The following MYT1L variants were observed in gnomAD, a reference collection of about 807,000 sequenced individuals.
MYT1L encodes myelin transcription factor 1 like.
MYT1L carries 12 observed loss-of-function variants against 126.7 expected under a neutral mutation model. The ratio of observed to expected loss-of-function variants is 0.09; its 90% CI spans 0.06 to 0.15. MYT1L has a LOEUF of 0.15. MYT1L is among the 10% of genes least tolerant of loss of function. The pLI is 1.00. For synonymous variants in MYT1L, 541 were observed against 604.2 expected (o/e 0.90, Z 1.53); for missense variants, 979 against 1,585.2 (o/e 0.62, Z 6.49).
chr2:2,100,814 G>T (rs766942386), intron 3 of MYT1L, among the ~76,000 whole-genome samples: 2 of 152,160 alleles, frequency 1.3e-5, no homozygotes, highest in Non-Finnish European at 2.9e-5. Context: ...TGGCAGGGGT[G>T]CATATATAAC....
chr2:1,860,563 A>G (rs2148612168), intron 18 of MYT1L, among the ~76,000 whole-genome samples: 1 of 152,360 alleles, frequency 6.6e-6, no homozygotes, highest in East Asian at 1.9e-4. Context: ...AAGGCAGCTA[A>G]TGCCATTTAC....
intron 3 of MYT1L, among the ~76,000 whole-genome samples, chr2:2,101,148 T>C (rs183321741): frequency 5.9e-5 from 9 of 152,340 alleles, no homozygotes; most frequent in East Asian, 1.9e-4. Flanking sequence ...TTATATGTTA[T>C]ATACATATTT....
At chr2:2,148,781 T>C (rs1244299269) in intron 3 of MYT1L, among the ~76,000 whole-genome samples, 1 of 152,186 alleles carries the variant, frequency 6.6e-6, no homozygotes, top group Non-Finnish European at 1.5e-5. Context: ...TTAACACTTT[T>C]AGTAAGTTAG....
intron 4 of MYT1L, among the ~76,000 whole-genome samples, chr2:2,019,739 T>G (rs1322256676): frequency 2.0e-5 from 3 of 152,224 alleles, no homozygotes; most frequent in African/African-American, 7.2e-5. Context: ...TTAGTCCTAC[T>G]ACATATGGAA....
chr2:2,201,902 T>C (rs1199490538), intron 2 of MYT1L, among the ~76,000 whole-genome samples: 1 of 152,168 alleles, frequency 6.6e-6, no homozygotes, highest in African/African-American at 2.4e-5. Context: ...CAGACTTTTA[T>C]TGGGAGCTAA....
intron 23 of MYT1L, among the ~76,000 whole-genome samples, chr2:1,797,932 T>C (rs74169679): frequency 0.036 from 499 of 13,822 alleles, 13 homozygotes; most frequent in Admixed American, 0.084. Flanking sequence ...GTCTCCCCCT[T>C]CTCCGGCACA....
chr2:1,970,419 T>C (rs2059722542), intron 8 of MYT1L, among the ~76,000 whole-genome samples: 1 of 152,210 alleles, frequency 6.6e-6, no homozygotes. Flanking sequence ...ACTCTCATAC[T>C]TTCAGCCCCA....
chr2:2,304,667 C>T (rs1304044239), intron 1 of MYT1L, among the ~76,000 whole-genome samples: 1 of 152,142 alleles, frequency 6.6e-6, no homozygotes, highest in Non-Finnish European at 1.5e-5. Context: ...CAACTCAAGC[C>T]CAGTCATAGG....
intron 2 of MYT1L, among the ~76,000 whole-genome samples, chr2:2,221,181 A>C (rs2093856231): frequency 6.6e-6 from 1 of 152,152 alleles, no homozygotes. Context: ...GTACAGAGTT[A>C]CTTTGGAACG....
At chr2:1,961,668 G>A (rs1348207563) in intron 8 of MYT1L, among the ~76,000 whole-genome samples, 1 of 152,218 alleles carries the variant, frequency 6.6e-6, no homozygotes, top group Non-Finnish European at 1.5e-5. Flanking sequence ...AGGCCTAAAT[G>A]TCTATGATTT....
chr2:2,178,025 T>G (rs1467512207), intron 2 of MYT1L, among the ~76,000 whole-genome samples: 1 of 152,152 alleles, frequency 6.6e-6, no homozygotes, highest in Non-Finnish European at 1.5e-5. Context: ...CTGCAAATAC[T>G]TCTAATTGTT....
chr2:1,979,529 C>G lies in MYT1L; in HGVS notation c.81G>C (p.Glu27Asp), dbSNP rs1332195750. Reference sequence around the variant, plus strand: ...ACCCACATGGCACTAACCTGAACAGCTCTTGTATGGCTGGTTCCACGGGAA... The same window carrying G: ...ACCCACATGGCACTAACCTGAACAGGTCTTGTATGGCTGGTTCCACGGGAA... The part of the protein sequence containing the change: ...VRVPVEPAIQ[E>D]LFSCPTPGCD... The change falls in exon 7 of 25, where the codon GAG (glutamate) becomes GAC (aspartate). Residue 27 changes from glutamate to aspartate, a missense_variant. Glu to Asp is a conservative substitution (Grantham distance 45). Transcript: ENST00000647738. This position sits in a 1 kb window ranked among gnomAD's most constrained non-coding sequence, Gnocchi z 4.0. 1 of 1,613,756 alleles carries G rather than the reference C, an allele frequency of 6.2e-7. No individual in the cohort carries two copies. The highest frequency in any genetic ancestry group is 1.3e-5 in the African/African-American group (1 of 75,016).
intron 3 of MYT1L, among the ~76,000 whole-genome samples, chr2:2,094,510 T>G (rs892945378): frequency 1.3e-5 from 2 of 152,138 alleles, no homozygotes; most frequent in African/African-American, 4.8e-5. Context: ...TAGCAAAGAC[T>G]TGGAACCAAC....
chr2:2,298,503 A>G (rs2095732826), intron 1 of MYT1L, among the ~76,000 whole-genome samples: 1 of 152,232 alleles, frequency 6.6e-6, no homozygotes, highest in African/African-American at 2.4e-5. Flanking sequence ...AACAGCACAA[A>G]CTTTTATACA....
intron 3 of MYT1L, among the ~76,000 whole-genome samples, chr2:2,069,318 C>T (rs1165535082): frequency 1.3e-5 from 2 of 152,022 alleles, no homozygotes; most frequent in African/African-American, 2.4e-5. Flanking sequence ...TGAGAACATG[C>T]GGTGTTTGGT....
intron 1 of MYT1L, among the ~76,000 whole-genome samples, chr2:2,311,755 G>A (rs182665185): frequency 2.6e-5 from 4 of 152,218 alleles, no homozygotes; most frequent in Admixed American, 1.3e-4. Flanking sequence ...TCCCACCCAC[G>A]CCAGGCCCTC....
intron 2 of MYT1L, among the ~76,000 whole-genome samples, chr2:2,203,456 T>C (rs1357808900): frequency 2.0e-5 from 3 of 151,024 alleles, no homozygotes; most frequent in African/African-American, 7.4e-5. Context: ...CAAGCATTCC[T>C]CTACATCAAT....
chr2:1,953,136 T>A (rs1294917347), intron 8 of MYT1L, among the ~76,000 whole-genome samples: 1 of 152,064 alleles, frequency 6.6e-6, no homozygotes, highest in African/African-American at 2.4e-5. Context: ...CTAATTTTTG[T>A]ATTTTTTGTA....
chr2:1,821,962 G>A lies in MYT1L; in HGVS notation c.3081-12795C>T, dbSNP rs577238565. 3.9e-5 allele frequency among the ~76,000 whole-genome samples: 6 copies of A among 152,336 alleles called. No individual in the cohort carries two copies. In the East Asian group the frequency reaches 7.7e-4, roughly 20 times the overall value. Reference sequence around the variant, plus strand: ...GAAGGAGGCCTGTGGCAGGGCATCCGGGAGTCGAACCCCTCTTAGACAATT... The same window carrying A: ...GAAGGAGGCCTGTGGCAGGGCATCCAGGAGTCGAACCCCTCTTAGACAATT... On this transcript the variant is annotated intron_variant, in intron 21 of 24. Coordinates refer to ENST00000647738, the MANE Select transcript of MYT1L (RefSeq NM_001303052.2).
Sources: gnomAD v4.1 joint callset for allele counts (sites outside exome capture counted in the v4.1 genomes callset) on GRCh38, gnomAD v4.1.1 for gene constraint, Gnocchi (gnomAD v3.1) non-coding constraint, MANE v1.5 for transcripts, NCBI Gene and HGNC (gene_info 2026-07-23, HGNC 2026-07-21) for gene names.